The following COL18A1 variants were observed in gnomAD, a reference collection of about 807,000 sequenced individuals.
The protein encoded by COL18A1 is collagen alpha-1(XVIII) chain.
In COL18A1, 133 loss-of-function variants were observed where a neutral mutation model predicts 168.0. The ratio of observed to expected loss-of-function variants is 0.79; its 90% CI spans 0.69 to 0.91. The LOEUF is 0.91. COL18A1 is among the 40% of genes least tolerant of loss of function. The pLI, the probability that COL18A1 is intolerant of heterozygous loss-of-function variation, is 0.00. For synonymous variants in COL18A1, 949 were observed against 809.0 expected (o/e 1.17, Z -2.94); for missense variants, 2,126 against 1,925.4 (o/e 1.10, Z -1.95).
chr21:45,422,685 G>A (rs1002115632), intron 2 of COL18A1: 37 of 321,646 alleles, frequency 1.2e-4, no homozygotes, highest in Admixed American at 7.8e-4. Flanking sequence ...GGGAGGTAGC[G>A]GCCCCAGGTC....
intron 2 of COL18A1, among the ~76,000 whole-genome samples, chr21:45,432,087 C>T (rs752339401): frequency 9.2e-5 from 14 of 152,240 alleles, no homozygotes; most frequent in Non-Finnish European, 2.1e-4. Flanking sequence ...CCCCACTGGC[C>T]TCCTTCCAGC....
At chr21:45,488,615 C>T (rs373027943) in intron 18 of COL18A1, among the ~76,000 whole-genome samples, 171 bp downstream of exon 18, 25 of 152,226 alleles carry the variant, frequency 1.6e-4, no homozygotes, top group African/African-American at 5.5e-4. Flanking sequence ...GGGAAATAAT[C>T]GCACACCAAC....
chr21:45,430,987 G>A (rs1183019082), intron 2 of COL18A1, among the ~76,000 whole-genome samples: 3 of 152,234 alleles, frequency 2.0e-5, no homozygotes, highest in South Asian at 2.1e-4. Context: ...AATAAGTCCC[G>A]GGGTGCCCTT....
At position 45,437,726 on chromosome 21, in the gene COL18A1, C is replaced by T. The variant is rs1288198645; in HGVS notation, c.107-30516C>T. On this transcript the variant is annotated intron_variant, in intron 2 of 41. Transcript: ENST00000651438. ...CACACTCAGACACACAGGCACTCTC[C>T]TGCACACACACACTCACACACTCAG... 1.7e-3 allele frequency among the ~76,000 whole-genome samples: 95 copies of T among 55,748 alleles called. 4 individuals are homozygous for T. The highest frequency in any genetic ancestry group is 2.5e-3 in the Non-Finnish European group (79 of 31,566). 36.6% of individuals were successfully genotyped at this position (55,748 alleles called of 152,430 possible). A position where few individuals can be genotyped will look rare whatever the true frequency, so the allele number is the denominator to read the frequency against.
At position 45,425,640 on chromosome 21, in the gene COL18A1, C is replaced by T. The variant is rs562827031; in HGVS notation, c.106+20167C>T. ...GTGTCTGGAGTCAGAGGGTCCCTCT[C>T]GTCGTCCAGCCTCCCCGGCTCCTCA... On this transcript the variant is annotated intron_variant, in intron 2 of 41. Coordinates refer to ENST00000651438, the MANE Select transcript of COL18A1 (RefSeq NM_001379500.1). This position sits in a 1 kb window ranked among gnomAD's most constrained non-coding sequence, Gnocchi z 4.1. Among the ~76,000 whole-genome samples, 3 of 152,278 alleles carry T rather than the reference C, an allele frequency of 2.0e-5. No homozygotes were observed. Among genetic ancestry groups the T allele is most frequent in the East Asian group, 1.9e-4 (1 of 5,162 alleles).
At position 45,480,503 on chromosome 21, in the gene COL18A1, G is replaced by A. The variant is rs369917403; in HGVS notation, c.1435G>A (p.Asp479Asn). 4.3e-5 allele frequency: 69 copies of A among 1,614,024 alleles called. No homozygotes were observed. In the African/African-American group the frequency reaches 6.8e-4, roughly 16 times the overall value. ...CATGGAGGGATCTGGCTTCGGGGGC[G>A]ATCTGGAGGCCCTGCGGGTGAGTGG... ...IDMEGSGFGG[D>N]LEALRGPRGF... The change falls in exon 12 of 42, where the codon GAT becomes AAT. Residue 479 changes from aspartate (D) to asparagine (N), a missense_variant. Physicochemically the swap from Asp to Asn is conservative, Grantham distance 23. Transcript: ENST00000651438.
Position 45,468,464 on chromosome 21 carries a change from C to T in COL18A1, c.329C>T (p.Ala110Val). 1 of 1,614,102 alleles carries T rather than the reference C, an allele frequency of 6.2e-7. No individual in the cohort carries two copies. The highest frequency in any genetic ancestry group is 8.5e-7 in the Non-Finnish European group (1 of 1,180,036). Residue 110 changes from alanine to valine, a missense_variant, in exon 3 of 42, where the codon GCC (alanine) becomes GTC (valine). Coordinates refer to ENST00000651438, the MANE Select transcript of COL18A1 (RefSeq NM_001379500.1). ...ACAGAGGGCCCAGGGGTGCTGTTCG[C>T]CATCACGGACTCGGCGCAGGCCATG... ...PATEGPGVLF[A>V]ITDSAQAMVL... is the part of the protein sequence containing the mutation.
chr21:45,490,371 G>T (rs769209678), intron 20 of COL18A1, 25 bp downstream of exon 20: 10 of 1,545,074 alleles, frequency 6.5e-6, no homozygotes, highest in Non-Finnish European at 8.8e-6. Flanking sequence ...TGGGCCCAGG[G>T]TGCAGGGGGG....
intron 30 of COL18A1, among the ~76,000 whole-genome samples, 193 bp from the exon 31 acceptor site, chr21:45,496,857 C>G (rs1367673270): frequency 6.6e-6 from 1 of 152,186 alleles, no homozygotes; most frequent in African/African-American, 2.4e-5. Flanking sequence ...GTGAAGTGAC[C>G]AATGAGGGCC....
chr21:45,476,921 T>TTTTG (rs1483564460), intron 6 of COL18A1, among the ~76,000 whole-genome samples: 18 of 146,962 alleles, frequency 1.2e-4, no homozygotes, highest in South Asian at 8.7e-4. Flanking sequence ...ATTATGTGTT[T>TTTTG]TGTGTGTGTG....
chr21:45,495,867 A>G, intron 29 of COL18A1: 2 of 318,470 alleles, frequency 6.3e-6, no homozygotes, highest in Admixed American at 4.3e-5. Context: ...ATGTGCACGT[A>G]TCCACATGTG....
chr21:45,407,056 A>G (rs2033135963), intron 2 of COL18A1, among the ~76,000 whole-genome samples: 1 of 150,098 alleles, frequency 6.7e-6, no homozygotes. Context: ...AAGCAGGCCC[A>G]GAGAGGGGTC....
chr21:45,478,171 G>A lies in COL18A1; in HGVS notation c.1222-156G>A, dbSNP rs1369432117. On this transcript the variant is annotated intron_variant, in intron 8 of 41. Transcript: ENST00000651438. ...AGCTGCTCAGACACAGCCCTTGTGGGTGTGAGGAGGCTCCTGGCGCGGGTG... is the reference window on the plus strand; with the variant it reads ...AGCTGCTCAGACACAGCCCTTGTGGATGTGAGGAGGCTCCTGGCGCGGGTG... The A allele has an allele frequency of 2.6e-5, 25 of 950,276 alleles. No homozygotes were observed. The East Asian group carries it at 3.3e-4, about 13-fold the overall frequency. 58.9% of individuals were successfully genotyped at this position (950,276 alleles called of 1,614,324 possible). A position where few individuals can be genotyped will look rare whatever the true frequency, so the allele number is the denominator to read the frequency against.
rs1215969630 is a variant in COL18A1 at position 45,513,066 on chromosome 21, C to G, written c.*668C>G. 1 of 155,164 alleles carries G rather than the reference C, an allele frequency of 6.4e-6. No homozygotes were observed. Among genetic ancestry groups the G allele is most frequent in the Non-Finnish European group, 1.4e-5 (1 of 70,006 alleles). The allele number at this position is 155,164 out of a possible 1,614,324, so 9.6% of individuals were successfully genotyped here. On this transcript the variant is annotated 3_prime_UTR_variant, in exon 42 of 42. Coordinates refer to ENST00000651438, the MANE Select transcript of COL18A1 (RefSeq NM_001379500.1). ...GTCCTCCAACACCAAGCACAGCAGC[C>G]TGGGGCTGGCCTCCCAAATGAGCCA...
chr21:45,415,910 C>G (rs911406451), intron 2 of COL18A1, among the ~76,000 whole-genome samples: 27 of 152,144 alleles, frequency 1.8e-4, no homozygotes, highest in African/African-American at 6.5e-4. Context: ...GGGTACTTGC[C>G]GGGGGCCGGG....
intron 2 of COL18A1, chr21:45,455,644 C>T (rs928576283): frequency 6.2e-7 from 1 of 1,613,934 alleles, no homozygotes; most frequent in Non-Finnish European, 8.5e-7. Flanking sequence ...ATGAGGACAC[C>T]AGCCATGCAG....
intron 20 of COL18A1, among the ~76,000 whole-genome samples, chr21:45,490,551 CCTGGGTCT>C (rs1568921804): frequency 3.6e-4 from 50 of 139,068 alleles, no homozygotes; most frequent in Middle Eastern, 3.7e-3. Flanking sequence ...CGTGTGCCCT[CCTGGGTCT>C]CCGTGTGCCC....
intron 36 of COL18A1, 52 bp from the exon 37 acceptor site, chr21:45,505,786 T>C (rs979942854): frequency 1.1e-5 from 10 of 939,138 alleles, no homozygotes; most frequent in Admixed American, 2.1e-5. Context: ...CTTCCGCCCC[T>C]GCCCCCCGCC....
At position 45,473,241 on chromosome 21, in the gene COL18A1, C is replaced by A. The variant is rs908380740; in HGVS notation, c.652-654C>A. Among the ~76,000 whole-genome samples the A allele has an allele frequency of 1.3e-5, 2 of 152,222 alleles. No individual in the cohort carries two copies. The highest frequency in any genetic ancestry group is 2.4e-5 in the African/African-American group (1 of 41,464). ...AGGCACCGCCGGCCGCGCCAGGGCC[C>A]GAGAGGGCAGGGTCAGGCACCCTGG... On this transcript the variant is annotated intron_variant, in intron 3 of 41. Coordinates refer to ENST00000651438, the MANE Select transcript of COL18A1 (RefSeq NM_001379500.1). This position sits in a 1 kb window ranked among gnomAD's most constrained non-coding sequence, Gnocchi z 4.0.
Sources: gnomAD v4.1 joint callset for allele counts (sites outside exome capture counted in the v4.1 genomes callset) on GRCh38, gnomAD v4.1.1 for gene constraint, Gnocchi (gnomAD v3.1) non-coding constraint, MANE v1.5 for transcripts, NCBI Gene and HGNC (gene_info 2026-07-23, HGNC 2026-07-21) for gene names.